Variants in COL6A6 observed in about 807,000 individuals in gnomAD.
COL6A6 encodes collagen type VI alpha 6 chain.
COL6A6 carries 183 observed loss-of-function variants against 208.6 expected under a neutral mutation model. The observed-to-expected ratio is 0.88, with a 90% CI of 0.78 to 0.99. COL6A6 has a LOEUF of 0.99. COL6A6 is among the 50% of genes least tolerant of loss of function. The pLI is 0.00. For synonymous variants in COL6A6, 973 were observed against 1,011.8 expected (o/e 0.96, Z 0.73); for missense variants, 2,816 against 2,815.2 (o/e 1.00, Z -0.01).
At chr3:130,517,734 C>T (rs1371602978) in intron 1 of COL6A6, among the ~76,000 whole-genome samples, 2 of 152,278 alleles carry the variant, frequency 1.3e-5, no homozygotes, top group Non-Finnish European at 2.9e-5. Context: ...AACACTGTGT[C>T]CTCACAGCAC....
At chr3:130,570,310 C>G (rs1032274590) in intron 6 of COL6A6, among the ~76,000 whole-genome samples, 3 of 152,154 alleles carry the variant, frequency 2.0e-5, no homozygotes, top group Non-Finnish European at 4.4e-5. Context: ...GAAAAAGTAA[C>G]TTTGAAAAGT....
intron 23 of COL6A6, among the ~76,000 whole-genome samples, chr3:130,612,007 C>T (rs2064373308): frequency 6.6e-6 from 1 of 152,106 alleles, no homozygotes; most frequent in African/African-American, 2.4e-5. Context: ...TTGTTTGGCT[C>T]CCACTTATAA....
At chr3:130,639,630 T>C (rs2108355573) in intron 28 of COL6A6, among the ~76,000 whole-genome samples, 1 of 149,748 alleles carries the variant, frequency 6.7e-6, no homozygotes, top group Non-Finnish European at 1.5e-5. Context: ...AAGTCTTGGC[T>C]GCATTGAGCT....
In COL6A6 at chr3:130,578,269, C is replaced by T. The variant is rs138032784; in HGVS notation, c.3548-3292C>T. ...TAAGAGACAACCTCAGGATTTGATT[C>T]AAGAGATGTGAAAAATATAAGGAAA... On this transcript the variant is annotated intron_variant, in intron 8 of 36. Coordinates refer to ENST00000358511, the MANE Select transcript of COL6A6 (RefSeq NM_001102608.3). 4.3e-3 allele frequency among the ~76,000 whole-genome samples: 652 copies of T among 152,192 alleles called. 6 individuals are homozygous for T. The highest frequency in any genetic ancestry group is 0.015 in the African/African-American group (632 of 41,532).
chr3:130,626,468 A>G lies in COL6A6; in HGVS notation c.4879-17A>G. ...ATTTCCAATTTCCAACCTAAAAACA[A>G]TCTTTCTGTTTAACAGGGAGAACCT... On this transcript the variant is annotated splice_polypyrimidine_tract_variant and intron_variant, in intron 24 of 36. Coordinates refer to ENST00000358511, the MANE Select transcript of COL6A6 (RefSeq NM_001102608.3). 3 of 1,598,762 alleles carry G rather than the reference A, an allele frequency of 1.9e-6. No individual in the cohort carries two copies. The highest frequency in any genetic ancestry group is 2.6e-6 in the Non-Finnish European group (3 of 1,166,026).
At chr3:130,643,119 T>A in intron 31 of COL6A6, 96 bp downstream of exon 31, 2 of 1,351,092 alleles carry the variant, frequency 1.5e-6, no homozygotes, top group Non-Finnish European at 2.1e-6. Context: ...CCAGCCAATT[T>A]CTTAAAATTG....
intron 36 of COL6A6, among the ~76,000 whole-genome samples, chr3:130,669,556 A>C (rs186114094): frequency 3.0e-3 from 456 of 152,262 alleles, no homozygotes; most frequent in South Asian, 5.6e-3. Flanking sequence ...AGGATGCACC[A>C]GAAGTCATGA....
chr3:130,565,108 T>G lies in COL6A6; in HGVS notation c.776T>G (p.Leu259Arg). 6.2e-7 allele frequency: 1 copy of G among 1,614,004 alleles called. No homozygotes were observed. Among genetic ancestry groups the G allele is most frequent in the Non-Finnish European group, 8.5e-7 (1 of 1,179,890 alleles). ...TTCTTGGAAGAAAGTGTATCTGCCC[T>G]TGACATAAAGGAAAATTGCATGAGG... ...KGFLEESVSA[L>R]DIKENCMRVG... is the part of the protein sequence containing the mutation. Residue 259 changes from leucine to arginine, a missense_variant, in exon 4 of 37, where the codon CTT becomes CGT. Leu to Arg is a moderately radical substitution (Grantham distance 102, BLOSUM62 -2). Coordinates refer to ENST00000358511, the MANE Select transcript of COL6A6 (RefSeq NM_001102608.3).
In COL6A6 at chr3:130,561,668, C is replaced by T. The variant is rs866852896; in HGVS notation, c.64+1240C>T. 8.7e-5 allele frequency among the ~76,000 whole-genome samples: 9 copies of T among 103,488 alleles called. No homozygotes were observed. The South Asian group carries it at 9.5e-4, about 11-fold the overall frequency. The allele number at this position is 103,488 out of a possible 152,430, so 67.9% of individuals were successfully genotyped here. On this transcript the variant is annotated intron_variant, in intron 2 of 36. Transcript: ENST00000358511. ...TTTTTTTTTTTTTTTTTTTTTGAGA[C>T]GGAGTCTCGCTCTGTCGCCCAGGCC... is the stretch of plus-strand genomic sequence containing the variant.
chr3:130,567,176 A>C lies in COL6A6; in HGVS notation c.1757A>C (p.Glu586Ala). ...NQTQLREIAG[E>A]EKRVYYVHDF... ...ACACAGCTGAGAGAAATTGCAGGAGAGGAAAAGAGAGTGTATTACGTGCAT... is the reference window on the plus strand; with the variant it reads ...ACACAGCTGAGAGAAATTGCAGGAGCGGAAAAGAGAGTGTATTACGTGCAT... Residue 586 changes from glutamate (E) to alanine (A), a missense_variant, in exon 5 of 37, where the codon GAG becomes GCG. Glu to Ala is a moderately radical substitution (Grantham distance 107). Coordinates refer to ENST00000358511, the MANE Select transcript of COL6A6 (RefSeq NM_001102608.3). 6.2e-7 allele frequency: 1 copy of C among 1,613,730 alleles called. No individual in the cohort carries two copies. The highest frequency in any genetic ancestry group is 8.5e-7 in the Non-Finnish European group (1 of 1,179,882).
chr3:130,547,368 T>C (rs2062536304), intron 1 of COL6A6, among the ~76,000 whole-genome samples: 1 of 152,240 alleles, frequency 6.6e-6, no homozygotes, highest in Non-Finnish European at 1.5e-5. Context: ...GGGGGCCCGC[T>C]GAGGCGGCAC....
At chr3:130,520,239 A>G (rs1378053357) in intron 1 of COL6A6, among the ~76,000 whole-genome samples, 1 of 152,232 alleles carries the variant, frequency 6.6e-6, no homozygotes, top group Non-Finnish European at 1.5e-5. Flanking sequence ...TTTCAGCAGA[A>G]GAGTATTATA....
rs1251488636 is a variant in COL6A6, at chr3:130,567,086, C to T, written c.1667C>T (p.Pro556Leu). Reference sequence around the variant, plus strand: ...ATGTCCAAGGATAGCATCTTGGAGCCTGCAAACAGACTGAGAGAAGAGCAC... The same window carrying T: ...ATGTCCAAGGATAGCATCTTGGAGCTTGCAAACAGACTGAGAGAAGAGCAC... ...NGMSKDSILE[P>L]ANRLREEHIR... The change falls in exon 5 of 37, where the codon CCT becomes CTT. Residue 556 changes from proline to leucine, a missense_variant. Coordinates refer to ENST00000358511, the MANE Select transcript of COL6A6 (RefSeq NM_001102608.3). 1 of 1,613,886 alleles carries T rather than the reference C, an allele frequency of 6.2e-7. No homozygotes were observed. Among genetic ancestry groups the T allele is most frequent in the East Asian group, 2.2e-5 (1 of 44,886 alleles).
At chr3:130,547,923 G>C (rs1325367884) in intron 1 of COL6A6, among the ~76,000 whole-genome samples, 1 of 152,024 alleles carries the variant, frequency 6.6e-6, no homozygotes, top group East Asian at 1.9e-4. Flanking sequence ...TCAGCCTCCC[G>C]AGTAGCTGGC....
At position 130,563,339 on chromosome 3, in the gene COL6A6, G is replaced by A; in HGVS notation, c.336G>A (p.Gln112=). 6.8e-6 allele frequency: 11 copies of A among 1,613,996 alleles called. No homozygotes were observed. Among genetic ancestry groups the A allele is most frequent in the Non-Finnish European group, 9.3e-6 (11 of 1,179,874 alleles). ...CCCTGCAGATAGGAAAGGCTCTTCA[G>A]GAGGCTCACAGGACTTATTTCTCTG... ...GGSLQIGKAL[Q]EAHRTYFSAP... Residue 112 remains glutamine, a synonymous_variant, in exon 3 of 37, where the codon CAG becomes CAA. Coordinates refer to ENST00000358511, the MANE Select transcript of COL6A6 (RefSeq NM_001102608.3).
At chr3:130,582,629 A>G (rs2063451936) in intron 10 of COL6A6, among the ~76,000 whole-genome samples, 1 of 152,142 alleles carries the variant, frequency 6.6e-6, no homozygotes, top group African/African-American at 2.4e-5. Flanking sequence ...TTCTGAGTCA[A>G]ACAAGAACAT....
In COL6A6 at chr3:130,574,468, C is replaced by A. The variant is rs1396010452; in HGVS notation, c.3490C>A (p.Leu1164Met). 6.2e-7 allele frequency: 1 copy of A among 1,613,920 alleles called. No individual in the cohort carries two copies. Among genetic ancestry groups the A allele is most frequent in the African/African-American group, 1.3e-5 (1 of 74,944 alleles). ...KKLTVHNFDE[L>M]KKVNKRIVRN... is the part of the protein sequence containing the mutation. Reference sequence around the variant, plus strand: ...ACTGACAGTGCACAACTTCGATGAACTGAAGAAGGTCAATAAAAGGATCGT... The same window carrying A: ...ACTGACAGTGCACAACTTCGATGAAATGAAGAAGGTCAATAAAAGGATCGT... Residue 1164 changes from leucine to methionine, a missense_variant, in exon 8 of 37, where the codon CTG becomes ATG. Transcript: ENST00000358511.
At chr3:130,598,824 C>A (rs1338030882) in intron 19 of COL6A6, among the ~76,000 whole-genome samples, 3 of 152,174 alleles carry the variant, frequency 2.0e-5, no homozygotes, top group Non-Finnish European at 2.9e-5. Flanking sequence ...ATAAAAAGAA[C>A]AAGATCTGGT....
At position 130,518,669 on chromosome 3, in the gene COL6A6, G is replaced by C. The variant is rs372028366; in HGVS notation, c.-32+1272G>C. On this transcript the variant is annotated intron_variant, in intron 1 of 36. Coordinates refer to ENST00000358511, the MANE Select transcript of COL6A6 (RefSeq NM_001102608.3). ...TTACAGGCATGAGCCACCATGCCCG[G>C]CTAATTTTGTATTTTTAGTAGAGAC... Among the ~76,000 whole-genome samples, 5 of 152,280 alleles carry C rather than the reference G, an allele frequency of 3.3e-5. No homozygotes were observed. In the East Asian group the frequency reaches 5.8e-4, roughly 18 times the overall value.
Sources: allele counts gnomAD v4.1 joint callset (sites outside exome capture counted in the v4.1 genomes callset), GRCh38; gene constraint gnomAD v4.1.1; transcripts MANE v1.5; gene names NCBI Gene and HGNC (gene_info 2026-07-23, HGNC 2026-07-21).